Variants in EFCC1 observed in about 807,000 individuals in gnomAD.
EFCC1 encodes EF-hand and coiled-coil domain-containing protein 1.
In EFCC1, 50 loss-of-function variants were observed where a neutral mutation model predicts 52.1. The observed-to-expected ratio is 0.96, with a 90% CI of 0.76 to 1.21. The LOEUF is 1.21. Among genes scored for constraint, EFCC1 ranks in the 50% most tolerant of loss-of-function variants. EFCC1 has a pLI of 0.00. For missense variants in EFCC1, 837 were observed against 867.3 expected, an observed-to-expected ratio of 0.97 and a Z score of 0.44; for synonymous variants, 399 against 396.5, an observed-to-expected ratio of 1.01 and a Z score of -0.08.
At position 129,039,761 on chromosome 3, in the gene EFCC1, G is replaced by A. The variant is rs148837972; in HGVS notation, c.1713G>A (p.Leu571=). The A allele has an allele frequency of 4.8e-4, 768 of 1,611,896 alleles. 1 individual carries two copies. Among genetic ancestry groups the A allele is most frequent in the Non-Finnish European group, 5.9e-4 (697 of 1,178,806 alleles). The change falls in exon 8 of 8, where the codon TTG becomes TTA. Residue 571 remains leucine (L), a synonymous_variant. Transcript: ENST00000683648. ...TCCTGGATGCCCTGCACCAAGCCTT[G>A]GCTGCCTGCCAGCTGTTGCGGAGAC... is the stretch of plus-strand genomic sequence containing the variant. ...AAILDALHQA[L]AACQLLRRQP...
At chr3:129,034,117 C>A in intron 4 of EFCC1, 47 bp from the exon 5 acceptor site, 2 of 1,611,340 alleles carry the variant, frequency 1.2e-6, no homozygotes, top group Non-Finnish European at 1.7e-6. Flanking sequence ...ACAGAGCGGG[C>A]TCTGGGAAGC....
At chr3:129,016,527 A>C (rs1485833230) in intron 2 of EFCC1, among the ~76,000 whole-genome samples, 2 of 148,590 alleles carry the variant, frequency 1.3e-5, no homozygotes, top group Admixed American at 6.7e-5. Flanking sequence ...GGGGAAGCCC[A>C]TAAGCCGTGC....
At chr3:129,004,201 A>C (rs1289640995) in intron 2 of EFCC1, 124 bp downstream of exon 2, 2 of 1,188,352 alleles carry the variant, frequency 1.7e-6, no homozygotes, top group Non-Finnish European at 2.2e-6. Context: ...GCGTTTATTC[A>C]TGTATTCTTT....
chr3:129,020,756 C>A (rs1269733280), intron 2 of EFCC1, among the ~76,000 whole-genome samples: 1 of 152,210 alleles, frequency 6.6e-6, no homozygotes, highest in Non-Finnish European at 1.5e-5. Flanking sequence ...ATGCCCTTCT[C>A]AAAAGGCTCT....
Position 129,034,754 on chromosome 3 carries a change from A to T in EFCC1, c.1452+425A>T, listed in dbSNP as rs549152156. ...TAGACTTCCATCAGCCCACCTGGGA[A>T]GCCCTCACAGGAAAATGAGTCTCAT... is the stretch of plus-strand genomic sequence containing the variant. On this transcript the variant is annotated intron_variant, in intron 5 of 7. Coordinates refer to ENST00000683648, the MANE Select transcript of EFCC1 (RefSeq NM_001377500.1). Among the ~76,000 whole-genome samples, 8 of 152,318 alleles carry T rather than the reference A, an allele frequency of 5.3e-5. No individual in the cohort carries two copies. In the South Asian group the frequency reaches 1.7e-3, roughly 32 times the overall value.
At position 129,032,877 on chromosome 3, in the gene EFCC1, G is replaced by A. The variant is rs1445163246; in HGVS notation, c.1197G>A (p.Glu399=). 1 of 1,551,404 alleles carries A rather than the reference G, an allele frequency of 6.4e-7. No individual in the cohort carries two copies. The highest frequency in any genetic ancestry group is 1.4e-5 in the African/African-American group (1 of 73,064). Residue 399 remains glutamate (E), a synonymous_variant, in exon 4 of 8, where the codon GAG becomes GAA. Transcript: ENST00000683648. ...GCCAGGCCGCCTCTGACGAGGAGGA[G>A]GTGGAGGAGGAGAGGTGGCAGGAGG... ...VEGQAASDEE[E]VEEERWQEEK... is the part of the protein sequence containing the mutation.
chr3:129,001,752 C>T lies in EFCC1; in HGVS notation c.124C>T (p.Arg42Cys), dbSNP rs1206825569. The T allele has an allele frequency of 6.5e-7, 1 of 1,541,356 alleles. No individual in the cohort carries two copies. The highest frequency in any genetic ancestry group is 1.7e-4 in the Middle Eastern group (1 of 5,944). ...SALAHHYGLD[R>C]GVENEIVVLA... The stretch of plus-strand genomic sequence containing the variant: ...CCTGGCGCACCACTACGGGCTGGAC[C>T]GCGGCGTGGAGAACGAGATCGTGGT... Residue 42 changes from arginine to cysteine, a missense_variant, in exon 1 of 8, where the codon CGC becomes TGC. Coordinates refer to ENST00000683648, the MANE Select transcript of EFCC1 (RefSeq NM_001377500.1).
rs1375832865 is a variant in EFCC1 at position 129,011,566 on chromosome 3, A to AG, written c.980+7490dup. ...ACTCCGTCTCAAAAAAAAAAAAAAA[A>AG]GAATGAAGCAGGGACACTCATTCTT... On this transcript the variant is annotated intron_variant, in intron 2 of 7. Coordinates refer to ENST00000683648, the MANE Select transcript of EFCC1 (RefSeq NM_001377500.1). 1.1e-4 allele frequency among the ~76,000 whole-genome samples: 17 copies of AG among 151,492 alleles called. No homozygotes were observed. The East Asian group carries it at 3.3e-3, about 29-fold the overall frequency.
chr3:129,002,680 C>G (rs986238857), intron 1 of EFCC1: 6 of 285,238 alleles, frequency 2.1e-5, no homozygotes, highest in African/African-American at 6.6e-5. Context: ...GCATCTTTCT[C>G]TCTCCTTCCT....
intron 2 of EFCC1, among the ~76,000 whole-genome samples, chr3:129,013,029 G>A (rs549698975): frequency 1.3e-5 from 2 of 152,334 alleles, no homozygotes; most frequent in South Asian, 4.1e-4. Context: ...ATTGGAAGAA[G>A]AGGCCAGTTC....
intron 2 of EFCC1, among the ~76,000 whole-genome samples, chr3:129,028,985 C>T (rs1165236063): frequency 6.6e-6 from 1 of 151,430 alleles, no homozygotes; most frequent in East Asian, 1.9e-4. Context: ...AGAGCACTCT[C>T]CTGATGCTCC....
chr3:129,027,317 G>C (rs1261552865), intron 2 of EFCC1, among the ~76,000 whole-genome samples: 1 of 152,144 alleles, frequency 6.6e-6, no homozygotes, highest in Non-Finnish European at 1.5e-5. Flanking sequence ...GCGCTGCAGG[G>C]GGCCCCGGCG....
rs567811255 is a variant in EFCC1, at chr3:129,010,826, C to T, written c.980+6749C>T. Among the ~76,000 whole-genome samples, 40 of 152,284 alleles carry T rather than the reference C, an allele frequency of 2.6e-4. No individual in the cohort carries two copies. The highest frequency in any genetic ancestry group is 4.1e-4 in the Non-Finnish European group (28 of 68,030). On this transcript the variant is annotated intron_variant, in intron 2 of 7. Coordinates refer to ENST00000683648, the MANE Select transcript of EFCC1 (RefSeq NM_001377500.1). The surrounding 1 kb of genome is among the most constrained non-coding windows in gnomAD (Gnocchi z 4.3). ...CTCCTCCAGGAACAATACTCAGGCT[C>T]ACAAAGAGGCAGACCCACTCAGGCA... is the stretch of plus-strand genomic sequence containing the variant.
intron 7 of EFCC1, 124 bp downstream of exon 7, chr3:129,039,024 C>A: frequency 1.1e-6 from 1 of 890,042 alleles, no homozygotes; most frequent in East Asian, 2.5e-5. Flanking sequence ...TCCTGCCCTG[C>A]ATGCTTTAGA....
intron 6 of EFCC1, among the ~76,000 whole-genome samples, chr3:129,037,604 T>C (rs1029583418): frequency 6.6e-6 from 1 of 152,096 alleles, no homozygotes; most frequent in Non-Finnish European, 1.5e-5. Flanking sequence ...ATCATCTCAA[T>C]TGATGCAGAA....
chr3:129,021,968 G>A (rs1945864503), intron 2 of EFCC1, among the ~76,000 whole-genome samples: 2 of 152,144 alleles, frequency 1.3e-5, no homozygotes, highest in African/African-American at 2.4e-5. Context: ...GTAGAAAGAG[G>A]GCGTCAGTGT....
At chr3:129,023,272 A>G (rs1303581370) in intron 2 of EFCC1, among the ~76,000 whole-genome samples, 5 of 151,588 alleles carry the variant, frequency 3.3e-5, no homozygotes, top group Non-Finnish European at 5.9e-5. Flanking sequence ...TCATCACTCA[A>G]AGTACAGAGA....
At chr3:129,032,748 A>G in intron 3 of EFCC1, 71 bp from the exon 4 acceptor site, 1 of 1,518,284 alleles carries the variant, frequency 6.6e-7, no homozygotes, top group African/African-American at 1.4e-5. Flanking sequence ...TGCGCTGCAC[A>G]TGTCCCCCTG....
At chr3:129,025,011 G>C (rs894730658) in intron 2 of EFCC1, among the ~76,000 whole-genome samples, 1 of 152,154 alleles carries the variant, frequency 6.6e-6, no homozygotes, top group Non-Finnish European at 1.5e-5. Context: ...CTGAGGGAGG[G>C]AGGAGCAGAT....
Sources: allele counts gnomAD v4.1 joint callset (sites outside exome capture counted in the v4.1 genomes callset), GRCh38; gene constraint gnomAD v4.1.1; non-coding constraint Gnocchi (gnomAD v3.1); transcripts MANE v1.5; gene names NCBI Gene and HGNC (gene_info 2026-07-23, HGNC 2026-07-21).